Variants in EPHB1 observed in about 807,000 individuals in gnomAD.
EPHB1 encodes EPH receptor B1.
EPHB1 carries 30 observed loss-of-function variants against 94.4 expected under a neutral mutation model. The observed-to-expected ratio is 0.32, with a 90% CI of 0.24 to 0.43. EPHB1 has a LOEUF of 0.43. Ranked by LOEUF, EPHB1 falls within the 20% of genes least tolerant of loss-of-function variation. The probability of loss-of-function intolerance (pLI) is 1.00; values close to 1 mark genes in which losing one functional copy is unlikely to be tolerated. For synonymous variants in EPHB1, 522 were observed against 489.1 expected (o/e 1.07, Z -0.89); for missense variants, 1,055 against 1,308.3 (o/e 0.81, Z 2.99).
At chr3:134,923,873 T>G (rs538899292) in intron 1 of EPHB1, among the ~76,000 whole-genome samples, 1 of 152,210 alleles carries the variant, frequency 6.6e-6, no homozygotes, top group South Asian at 2.1e-4. Context: ...GGGGAGGCAG[T>G]GGGAAGGACA....
chr3:134,928,668 C>T (rs539279446), intron 2 of EPHB1, among the ~76,000 whole-genome samples: 4 of 152,086 alleles, frequency 2.6e-5, no homozygotes, highest in South Asian at 4.2e-4. Flanking sequence ...CATCAGTATT[C>T]GACTTAGGGG....
chr3:135,188,856 C>T (rs1371939948), intron 10 of EPHB1, among the ~76,000 whole-genome samples: 2 of 152,158 alleles, frequency 1.3e-5, no homozygotes, highest in Non-Finnish European at 2.9e-5. Context: ...AACCTCCTGG[C>T]TTGGAGAATA....
At position 134,795,497 on chromosome 3, in the gene EPHB1, G is replaced by A. The variant is rs534500602; in HGVS notation, c.-135G>A. ...TGCCCACGCCCACGCAGCGCTCCGGGAAGTCCGGTCCGGGCGAGAGCGCGA... is the reference window on the plus strand; with the variant it reads ...TGCCCACGCCCACGCAGCGCTCCGGAAAGTCCGGTCCGGGCGAGAGCGCGA... On this transcript the variant is annotated 5_prime_UTR_variant, in exon 1 of 16. Transcript: ENST00000398015. The A allele has an allele frequency of 4.9e-6, 4 of 822,566 alleles. No homozygotes were observed. The highest frequency in any genetic ancestry group is 7.4e-6 in the Non-Finnish European group (4 of 537,912). 51.0% of individuals were successfully genotyped at this position (822,566 alleles called of 1,614,324 possible).
chr3:135,009,390 G>T (rs550357653), intron 3 of EPHB1, among the ~76,000 whole-genome samples: 1 of 152,298 alleles, frequency 6.6e-6, no homozygotes, highest in East Asian at 1.9e-4. Context: ...TAAAGGGCCT[G>T]GGTGTCTTAT....
At chr3:135,186,431 C>T (rs1435645458) in intron 10 of EPHB1, among the ~76,000 whole-genome samples, 1 of 152,220 alleles carries the variant, frequency 6.6e-6, no homozygotes, top group Non-Finnish European at 1.5e-5. Flanking sequence ...TTATCTTGCA[C>T]AAGCTAGTGT....
chr3:134,828,369 T>C (rs1474188672), intron 1 of EPHB1, among the ~76,000 whole-genome samples: 2 of 152,300 alleles, frequency 1.3e-5, no homozygotes, highest in South Asian at 2.1e-4. Flanking sequence ...CCAAGTGGGA[T>C]GAGAAAAAAT....
At chr3:134,916,797 G>A (rs945681050) in intron 1 of EPHB1, among the ~76,000 whole-genome samples, 2 of 152,220 alleles carry the variant, frequency 1.3e-5, no homozygotes, top group African/African-American at 4.8e-5. Flanking sequence ...CCAGCCCAGA[G>A]AAGGGCTCCC....
chr3:134,968,008 A>G (rs1254158008), intron 3 of EPHB1, among the ~76,000 whole-genome samples: 1 of 152,254 alleles, frequency 6.6e-6, no homozygotes, highest in Non-Finnish European at 1.5e-5. Flanking sequence ...TCTAGAAAAC[A>G]AGGACATGAG....
chr3:135,228,770 C>CAGTT (rs142399134), intron 12 of EPHB1, among the ~76,000 whole-genome samples: 12,054 of 39,372 alleles, frequency 0.31, 736 homozygotes, highest in Non-Finnish European at 0.4. Flanking sequence ...CCTTGGCTGA[C>CAGTT]AGGGACTCCA....
In EPHB1 at chr3:135,042,376, A is replaced by C. The variant is rs187142069; in HGVS notation, c.806-64072A>C. ...ATTACATTTCTAAAATATGCTTTTC[A>C]GGAGACACATGCAAACCATAGCAGT... On this transcript the variant is annotated intron_variant, in intron 3 of 15. Transcript: ENST00000398015. Among the ~76,000 whole-genome samples the C allele has an allele frequency of 7.9e-5, 12 of 152,354 alleles. No individual in the cohort carries two copies. The East Asian group carries it at 2.3e-3, about 29-fold the overall frequency.
chr3:134,838,486 C>T (rs1293564509), intron 1 of EPHB1, among the ~76,000 whole-genome samples: 1 of 152,304 alleles, frequency 6.6e-6, no homozygotes, highest in South Asian at 2.1e-4. Context: ...CCCACGGATT[C>T]TCCTAACAGT....
At chr3:134,897,807 T>A (rs954545614) in intron 1 of EPHB1, among the ~76,000 whole-genome samples, 1 of 152,204 alleles carries the variant, frequency 6.6e-6, no homozygotes, top group African/African-American at 2.4e-5. Flanking sequence ...CCAAGTGGGC[T>A]GTGTCTGCAC....
At chr3:135,250,280 G>A (rs1465297927) in intron 15 of EPHB1, among the ~76,000 whole-genome samples, 2 of 152,126 alleles carry the variant, frequency 1.3e-5, no homozygotes, top group African/African-American at 2.4e-5. Context: ...GAGGGGCAGG[G>A]TTTTATAGAA....
At chr3:134,990,769 T>G (rs1392832830) in intron 3 of EPHB1, among the ~76,000 whole-genome samples, 1 of 152,228 alleles carries the variant, frequency 6.6e-6, no homozygotes, top group Non-Finnish European at 1.5e-5. Context: ...TTATTTTTAT[T>G]GTTGCATTTA....
At chr3:134,958,413 AGTGTGTGTGT>A (rs3067407) in intron 3 of EPHB1, among the ~76,000 whole-genome samples, 2 of 97,668 alleles carry the variant, frequency 2.0e-5, no homozygotes, top group Non-Finnish European at 4.6e-5. Context: ...AACACAAGGG[AGTGTGTGTGT>A]GTGTGTGTGT....
chr3:134,893,766 G>A (rs980817998), intron 1 of EPHB1, among the ~76,000 whole-genome samples: 1 of 152,234 alleles, frequency 6.6e-6, no homozygotes, highest in African/African-American at 2.4e-5. Flanking sequence ...TGTCAGCTAA[G>A]GCATTTGGGT....
intron 3 of EPHB1, among the ~76,000 whole-genome samples, chr3:135,008,062 GA>G (rs1935486079): frequency 6.6e-6 from 1 of 152,158 alleles, no homozygotes; most frequent in Non-Finnish European, 1.5e-5. Context: ...GGAGGCAGGG[GA>G]CAAAACAGGA....
intron 12 of EPHB1, among the ~76,000 whole-genome samples, chr3:135,239,325 A>AT (rs1168968580): frequency 8.6e-5 from 13 of 151,364 alleles, no homozygotes; most frequent in Non-Finnish European, 1.6e-4. Flanking sequence ...CCATTTTTAC[A>AT]TTTTTACAGT....
chr3:135,073,477 G>A (rs1223438041), intron 3 of EPHB1, among the ~76,000 whole-genome samples: 1 of 152,184 alleles, frequency 6.6e-6, no homozygotes, highest in African/African-American at 2.4e-5. Context: ...AATTCCTTAT[G>A]TTGAAGCAAA....
Sources: allele counts gnomAD v4.1 joint callset (sites outside exome capture counted in the v4.1 genomes callset), GRCh38; gene constraint gnomAD v4.1.1; transcripts MANE v1.5; gene names NCBI Gene and HGNC (gene_info 2026-07-23, HGNC 2026-07-21).